The following SNW1 variants were observed in gnomAD, a reference collection of about 807,000 sequenced individuals.
The protein encoded by SNW1 is SNW domain containing 1.
Under a neutral mutation model 75.6 loss-of-function variants are expected in SNW1, and 9 were observed. The observed-to-expected ratio is 0.12, with a 90% CI of 0.07 to 0.21. The LOEUF (loss-of-function observed/expected upper bound fraction) is 0.21, where lower values mean the gene tolerates loss of function less well. Ranked by LOEUF, SNW1 falls within the 10% of genes least tolerant of loss-of-function variation. SNW1 has a pLI of 1.00. For synonymous variants in SNW1, 200 were observed against 219.1 expected (o/e 0.91, Z 0.77); for missense variants, 409 against 670.9 (o/e 0.61, Z 4.31).
At chr14:77,761,068 G>T in intron 1 of SNW1, 46 bp downstream of exon 1, 1 of 1,614,198 alleles carries the variant, frequency 6.2e-7, no homozygotes, top group Non-Finnish European at 8.5e-7. Context: ...AAGAAGACTG[G>T]TACTCCCAGA....
At chr14:77,734,908 A>C in intron 8 of SNW1, 39 bp downstream of exon 8, 1 of 1,365,240 alleles carries the variant, frequency 7.3e-7, no homozygotes, top group Non-Finnish European at 1.0e-6. Flanking sequence ...GTTTTCCAGT[A>C]GGTTATACTA....
At chr14:77,723,057 C>T in intron 11 of SNW1, 124 bp downstream of exon 11, 4 of 743,048 alleles carry the variant, frequency 5.4e-6, no homozygotes, top group Non-Finnish European at 9.6e-6. Flanking sequence ...TCGTGTTAGC[C>T]AGGATGGTCT....
chr14:77,738,102 G>A (rs1443350051), intron 5 of SNW1, among the ~76,000 whole-genome samples: 2 of 150,902 alleles, frequency 1.3e-5, no homozygotes, highest in South Asian at 2.1e-4. Context: ...TCAGGAGTTC[G>A]AGACCAGCCT....
chr14:77,740,704 C>T (rs1241397977), intron 3 of SNW1, among the ~76,000 whole-genome samples: 1 of 152,158 alleles, frequency 6.6e-6, no homozygotes. Context: ...CCCCTCCCCA[C>T]CCAATCATTT....
intron 10 of SNW1, among the ~76,000 whole-genome samples, chr14:77,724,676 C>A (rs2139896100): frequency 6.6e-6 from 1 of 152,338 alleles, no homozygotes; most frequent in South Asian, 2.1e-4. Context: ...TTGCAAATTA[C>A]ATGATTTCAT....
intron 3 of SNW1, among the ~76,000 whole-genome samples, chr14:77,747,237 G>A (rs1259099535): frequency 2.0e-5 from 3 of 152,170 alleles, no homozygotes; most frequent in Non-Finnish European, 4.4e-5. Flanking sequence ...TGCCCAGGCT[G>A]GAGTGCAGTG....
chr14:77,725,126 T>C (rs1566827097), intron 10 of SNW1, among the ~76,000 whole-genome samples: 1 of 152,386 alleles, frequency 6.6e-6, no homozygotes, highest in African/African-American at 2.4e-5. Context: ...CATACACCTG[T>C]TGGCCATAAG....
chr14:77,751,845 C>CACACCACA (rs1555388654), intron 2 of SNW1, among the ~76,000 whole-genome samples: 1 of 122,580 alleles, frequency 8.2e-6, no homozygotes, highest in African/African-American at 3.8e-5. Context: ...CACACACACA[C>CACACCACA]CACACACACA....
rs2080559726 is a variant in SNW1, at chr14:77,723,417, A to G, written c.1034-140T>C. On this transcript the variant is annotated intron_variant, in intron 10 of 13. Transcript: ENST00000261531. ...CAGGCTGGAGTGTAGTAGCATGAAC[A>G]TGGTTCACTGCAGCCACTACCTCCT... is the stretch of plus-strand genomic sequence containing the variant. The G allele has an allele frequency of 6.2e-6, 4 of 648,042 alleles. No individual in the cohort carries two copies. In the Admixed American group the frequency reaches 7.1e-5, roughly 12 times the overall value. The allele number at this position is 648,042 out of a possible 1,614,324, so 40.1% of individuals were successfully genotyped here. A position where few individuals can be genotyped will look rare whatever the true frequency, so the allele number is the denominator to read the frequency against.
intron 8 of SNW1, among the ~76,000 whole-genome samples, chr14:77,734,242 C>A (rs12887282): frequency 0.82 from 124,349 of 152,228 alleles, 50,929 homozygotes; most frequent in South Asian, 0.85. Context: ...CTACAGAGCC[C>A]AGTAGTTGAA....
chr14:77,723,747 C>T (rs377109542), intron 10 of SNW1, among the ~76,000 whole-genome samples: 6 of 151,686 alleles, frequency 4.0e-5, no homozygotes, highest in South Asian at 2.1e-4. Context: ...CTCTGCCTCC[C>T]GGGTTCAAGC....
At chr14:77,757,939 TATCTATCTATCTATC>T (rs1188357184) in intron 1 of SNW1, among the ~76,000 whole-genome samples, 1 of 138,668 alleles carries the variant, frequency 7.2e-6, no homozygotes, top group African/African-American at 2.7e-5. Flanking sequence ...TCTATCTATC[TATCTATCTATCTATC>T]GCAATCAATC....
At chr14:77,729,207 C>T (rs956082353) in intron 10 of SNW1, among the ~76,000 whole-genome samples, 1 of 152,146 alleles carries the variant, frequency 6.6e-6, no homozygotes, top group African/African-American at 2.4e-5. Context: ...TCTTTCCCTC[C>T]CAAACCTGTT....
At chr14:77,722,662 A>T (rs1938104420) in intron 11 of SNW1, among the ~76,000 whole-genome samples, 3 of 152,164 alleles carry the variant, frequency 2.0e-5, no homozygotes, top group Non-Finnish European at 4.4e-5. Context: ...TGGAAGATTA[A>T]TTCCAAAGAC....
chr14:77,739,823 A>G (rs1422555037), intron 3 of SNW1, among the ~76,000 whole-genome samples: 4 of 152,130 alleles, frequency 2.6e-5, no homozygotes, highest in Non-Finnish European at 5.9e-5. Flanking sequence ...TTTACATGGC[A>G]TATTTTAAAG....
chr14:77,756,832 T>C (rs897603537), intron 1 of SNW1, among the ~76,000 whole-genome samples: 1 of 152,098 alleles, frequency 6.6e-6, no homozygotes, highest in African/African-American at 2.4e-5. Flanking sequence ...TGAGCCAAGA[T>C]TGCACCATTG....
chr14:77,747,454 T>A (rs1366655574), intron 3 of SNW1, among the ~76,000 whole-genome samples: 1 of 122,668 alleles, frequency 8.2e-6, no homozygotes, highest in Non-Finnish European at 1.7e-5. Context: ...CCGGCCGCCA[T>A]CCCGTCTAGG....
chr14:77,728,340 A>G (rs946642098), intron 10 of SNW1, among the ~76,000 whole-genome samples: 5 of 152,174 alleles, frequency 3.3e-5, no homozygotes, highest in Non-Finnish European at 4.4e-5. Context: ...AATCCCAGCT[A>G]CTTGGAAGGC....
intron 12 of SNW1, among the ~76,000 whole-genome samples, chr14:77,720,128 C>CA (rs1227672925): frequency 6.6e-6 from 1 of 152,120 alleles, no homozygotes; most frequent in Non-Finnish European, 1.5e-5. Context: ...AAATCAACAA[C>CA]AAAAAAACCC....
Sources: gnomAD v4.1 joint callset for allele counts (sites outside exome capture counted in the v4.1 genomes callset) on GRCh38, gnomAD v4.1.1 for gene constraint, MANE v1.5 for transcripts, NCBI Gene and HGNC (gene_info 2026-07-23, HGNC 2026-07-21) for gene names.